CDH13: variants seen among roughly 807,000 people sequenced by gnomAD.
The protein encoded by CDH13 is cadherin 13.
CDH13 carries 24 observed loss-of-function variants against 63.8 expected under a neutral mutation model. The observed-to-expected ratio is 0.38, with a 90% CI of 0.27 to 0.53. CDH13 has a LOEUF of 0.53. CDH13 is among the 20% of genes least tolerant of loss of function. The pLI is 0.85. For missense variants in CDH13, 1,049 were observed against 903.1 expected (o/e 1.16, Z -2.07); for synonymous variants, 503 against 355.3 (o/e 1.42, Z -4.67).
At chr16:83,209,254 T>G (rs1011374453) in intron 4 of CDH13, among the ~76,000 whole-genome samples, 1 of 152,172 alleles carries the variant, frequency 6.6e-6, no homozygotes, top group Admixed American at 6.5e-5. Flanking sequence ...TCATTCCACC[T>G]ATGAGTCAGG....
At chr16:83,071,347 C>G (rs551806694) in intron 3 of CDH13, among the ~76,000 whole-genome samples, 1 of 152,216 alleles carries the variant, frequency 6.6e-6, no homozygotes, top group African/African-American at 2.4e-5. Flanking sequence ...GATAAGGAGA[C>G]TGGGAATCAA....
chr16:83,261,461 G>T (rs987915026), intron 5 of CDH13, among the ~76,000 whole-genome samples: 1 of 152,124 alleles, frequency 6.6e-6, no homozygotes, highest in East Asian at 1.9e-4. Context: ...ACATATTTCT[G>T]CAAAAATACT....
rs766124962 is a variant in CDH13, at chr16:82,644,342, C to T, written c.45+17205C>T. ...GAACTCCTCCCACCCCTGCCTTCTG[C>T]GTCTCCCTCTGTGCTCTCCATCACC... On this transcript the variant is annotated intron_variant, in intron 1 of 13. Coordinates refer to ENST00000567109, the MANE Select transcript of CDH13 (RefSeq NM_001257.5). The surrounding 1 kb of genome is among the most constrained non-coding windows in gnomAD (Gnocchi z 5.7). Among the ~76,000 whole-genome samples the T allele has an allele frequency of 6.6e-6, 1 of 152,120 alleles. No homozygotes were observed. Among genetic ancestry groups the T allele is most frequent in the African/African-American group, 2.4e-5 (1 of 41,414 alleles).
rs995509092 is a variant in CDH13, at chr16:83,799,644, ACATCTTT to A, written c.*4618_*4624del. The A allele has an allele frequency of 2.0e-5, 3 of 152,350 alleles. No homozygotes were observed. The highest frequency in any genetic ancestry group is 7.2e-5 in the African/African-American group (3 of 41,586). The allele number at this position is 152,350 out of a possible 1,614,324, so 9.4% of individuals were successfully genotyped here. A position where few individuals can be genotyped will look rare whatever the true frequency, so the allele number is the denominator to read the frequency against. On this transcript the variant is annotated 3_prime_UTR_variant, in exon 14 of 14. Transcript: ENST00000567109. ...AGAATAATAATCTAATAATCTGGCT[ACATCTTT>A]CATAAAGACCTCCATCTTCTCTCCT... is the stretch of plus-strand genomic sequence containing the variant.
intron 1 of CDH13, among the ~76,000 whole-genome samples, chr16:82,731,539 T>C (rs2033402467): frequency 6.6e-6 from 1 of 152,362 alleles, no homozygotes; most frequent in Admixed American, 6.5e-5. Flanking sequence ...AAGAAGCTGC[T>C]CAAGACATTG....
intron 1 of CDH13, among the ~76,000 whole-genome samples, chr16:82,632,736 A>G (rs1908167041): frequency 6.6e-6 from 1 of 152,180 alleles, no homozygotes; most frequent in South Asian, 2.1e-4. Flanking sequence ...TGATTCAAGC[A>G]CATTACATTT....
At chr16:83,014,776 GTATATATATATA>G (rs1158483617) in intron 2 of CDH13, among the ~76,000 whole-genome samples, 1 of 37,306 alleles carries the variant, frequency 2.7e-5, no homozygotes, top group Admixed American at 4.8e-4. Flanking sequence ...ATATATATAT[GTATATATATATA>G]TTTGTATATA....
chr16:82,938,714 C>T (rs1183339337), intron 2 of CDH13, among the ~76,000 whole-genome samples: 2 of 152,030 alleles, frequency 1.3e-5, no homozygotes, highest in East Asian at 3.9e-4. Flanking sequence ...GCACACAAGA[C>T]AAGGAAAAAG....
chr16:83,040,093 A>G (rs938975986), intron 3 of CDH13, among the ~76,000 whole-genome samples: 4 of 151,734 alleles, frequency 2.6e-5, no homozygotes, highest in Non-Finnish European at 4.4e-5. Context: ...CATGCAGCAC[A>G]CTAAGATCAC....
At chr16:82,968,089 A>C (rs11646439) in intron 2 of CDH13, among the ~76,000 whole-genome samples, 1 of 152,054 alleles carries the variant, frequency 6.6e-6, no homozygotes, top group Admixed American at 6.5e-5. Flanking sequence ...GCTCCCCCCA[A>C]CTTAAGAATT....
intron 1 of CDH13, among the ~76,000 whole-genome samples, chr16:82,747,395 TTCTC>T (rs1287826608): frequency 6.6e-6 from 1 of 152,234 alleles, no homozygotes; most frequent in African/African-American, 2.4e-5. Context: ...CTTTCCTTTC[TTCTC>T]ATATAGTTTT....
chr16:83,120,676 A>G (rs2035526175), intron 3 of CDH13, among the ~76,000 whole-genome samples: 1 of 150,038 alleles, frequency 6.7e-6, no homozygotes, highest in Admixed American at 6.6e-5. Context: ...CGTATTTCCT[A>G]TTTTTGCCAC....
At chr16:83,448,054 C>T (rs1188485083) in intron 6 of CDH13, among the ~76,000 whole-genome samples, 1 of 152,150 alleles carries the variant, frequency 6.6e-6, no homozygotes, top group Non-Finnish European at 1.5e-5. Context: ...AGGAAAAGCA[C>T]AGTGTTTAGC....
At chr16:83,199,196 CAGTT>C (rs1212319974) in intron 4 of CDH13, among the ~76,000 whole-genome samples, 2 of 152,218 alleles carry the variant, frequency 1.3e-5, no homozygotes, top group Admixed American at 6.5e-5. Context: ...TGCCTTGTGA[CAGTT>C]AGCACCCACG....
At chr16:83,106,772 T>A (rs890510519) in intron 3 of CDH13, among the ~76,000 whole-genome samples, 7 of 152,214 alleles carry the variant, frequency 4.6e-5, no homozygotes, top group Non-Finnish European at 7.3e-5. Flanking sequence ...TATTACAACC[T>A]GGAAGGAAGT....
In CDH13 at chr16:82,638,964, G is replaced by A. The variant is rs143459321; in HGVS notation, c.45+11827G>A. On this transcript the variant is annotated intron_variant, in intron 1 of 13. Coordinates refer to ENST00000567109, the MANE Select transcript of CDH13 (RefSeq NM_001257.5). The stretch of plus-strand genomic sequence containing the variant: ...AATCCTTCCTGCAACCCTTAGAGGC[G>A]ACTCTTATTCCCAATTTTATATACG... Among the ~76,000 whole-genome samples the A allele has an allele frequency of 2.0e-4, 30 of 152,246 alleles. No homozygotes were observed. The East Asian group carries it at 4.2e-3, about 22-fold the overall frequency.
intron 3 of CDH13, among the ~76,000 whole-genome samples, chr16:83,121,155 T>C (rs2035554284): frequency 6.6e-6 from 1 of 152,222 alleles, no homozygotes; most frequent in Admixed American, 6.5e-5. Context: ...TTCTGTCTTA[T>C]ACAGAATCTA....
intron 1 of CDH13, among the ~76,000 whole-genome samples, chr16:82,685,668 G>A (rs1597319843): frequency 7.7e-6 from 1 of 129,970 alleles, no homozygotes; most frequent in East Asian, 2.2e-4. Flanking sequence ...ACACAAGGCA[G>A]AGTTTGCAGT....
intron 2 of CDH13, among the ~76,000 whole-genome samples, chr16:82,941,484 A>G (rs1306366604): frequency 1.3e-5 from 2 of 152,174 alleles, no homozygotes; most frequent in African/African-American, 2.4e-5. Context: ...TCATCTTTAC[A>G]TTGCACAATC....
Sources: gnomAD v4.1 joint callset for allele counts (sites outside exome capture counted in the v4.1 genomes callset) on GRCh38, gnomAD v4.1.1 for gene constraint, Gnocchi (gnomAD v3.1) non-coding constraint, MANE v1.5 for transcripts, NCBI Gene and HGNC (gene_info 2026-07-23, HGNC 2026-07-21) for gene names.